Variants in ASIP observed in about 807,000 individuals in gnomAD.
ASIP encodes agouti signaling protein.
A neutral mutation model predicts 10.3 loss-of-function variants in ASIP; 11 were observed. The observed-to-expected ratio is 1.07, with a 90% confidence interval of 0.68 to 1.78. The LOEUF (loss-of-function observed/expected upper bound fraction) is 1.78. Among genes scored for constraint, ASIP ranks in the 40% most tolerant of loss-of-function variants. ASIP has a pLI of 0.00. For synonymous variants in ASIP, 70 were observed against 70.8 expected, an observed-to-expected ratio of 0.99 and a Z score of 0.06; for missense variants, 180 against 169.2, an observed-to-expected ratio of 1.06 and a Z score of -0.35.
At chr20:34,225,293 C>A (rs1214648528) in intron 1 of ASIP, among the ~76,000 whole-genome samples, 1 of 151,866 alleles carries the variant, frequency 6.6e-6, no homozygotes, top group Non-Finnish European at 1.5e-5. Flanking sequence ...CCTGCCTAGG[C>A]CTTCCAAAGT....
chr20:34,195,123 G>A (rs1177299727), intron 1 of ASIP, among the ~76,000 whole-genome samples: 12 of 143,294 alleles, frequency 8.4e-5, no homozygotes, highest in Admixed American at 8.0e-4. Flanking sequence ...CAGCTGAGAA[G>A]GTACCAGAAA....
chr20:34,240,995 C>T (rs1373574394), upstream of ASIP, among the ~76,000 whole-genome samples: 1 of 152,158 alleles, frequency 6.6e-6, no homozygotes, highest in Non-Finnish European at 1.5e-5. Flanking sequence ...ATCCTGGGAT[C>T]TTTAAAAAAT....
rs1411934780 is a variant in ASIP, at chr20:34,201,223, C to T, written c.-11+6463C>T. On this transcript the variant is annotated intron_variant, in intron 1 of 3. Coordinates refer to the ASIP transcript ENST00000568305. ...GCCACCGGAGTGCGGGTGACAAGGA[C>T]CTGACAGAGCCCATGCAGGGCTTTA... Among the ~76,000 whole-genome samples, 15 of 152,078 alleles carry T rather than the reference C, an allele frequency of 9.9e-5. No homozygotes were observed. The South Asian group carries it at 2.7e-3, about 27-fold the overall frequency.
chr20:34,192,131 G>A (rs937161753), upstream of ASIP, among the ~76,000 whole-genome samples: 1 of 152,088 alleles, frequency 6.6e-6, no homozygotes, highest in Non-Finnish European at 1.5e-5. Context: ...CTGCCTCCCA[G>A]ATTCAAGTGA....
At chr20:34,246,535 A>C in intron 1 of ASIP, 42 of 1,032,478 alleles carry the variant, frequency 4.1e-5, no homozygotes, top group Non-Finnish European at 5.9e-5. Flanking sequence ...CAGAAATCTC[A>C]GCTCACTGCA....
intron 1 of ASIP, among the ~76,000 whole-genome samples, chr20:34,258,660 T>G (rs2035615090): frequency 8.9e-6 from 1 of 112,014 alleles, no homozygotes; most frequent in Non-Finnish European, 1.8e-5. Context: ...GTTAATATCT[T>G]AGAAGGGGGA....
chr20:34,235,232 G>A (rs2035164229), intron 1 of ASIP, among the ~76,000 whole-genome samples: 1 of 152,178 alleles, frequency 6.6e-6, no homozygotes, highest in African/African-American at 2.4e-5. Flanking sequence ...ATGAAGTCAG[G>A]AGTTTGAGAC....
At chr20:34,208,521 A>G (rs952452566) in intron 1 of ASIP, among the ~76,000 whole-genome samples, 3 of 151,862 alleles carry the variant, frequency 2.0e-5, no homozygotes, top group Non-Finnish European at 4.4e-5. Context: ...CTCCTGGTTA[A>G]TTTTTTTATT....
chr20:34,202,825 T>TC (rs1431597595), intron 1 of ASIP, among the ~76,000 whole-genome samples: 11 of 138,150 alleles, frequency 8.0e-5, no homozygotes, highest in South Asian at 2.2e-4. Context: ...TTTTTTTTTT[T>TC]CGAGATGGAG....
At position 34,260,500 on chromosome 20, in the gene ASIP, G is replaced by C. The variant is rs2035671335; in HGVS notation, c.126G>C (p.Val42=). 6.2e-7 allele frequency: 1 copy of C among 1,613,734 alleles called. No homozygotes were observed. Among genetic ancestry groups the C allele is most frequent in the South Asian group, 1.1e-5 (1 of 91,032 alleles). ...DDRSLRSNSS[V]NLLDVPSVSI... ...GGAGCCTGAGAAGCAACTCCTCTGT[G>C]AACCTACTGGATGTCCCTTCTGTCT... is the stretch of plus-strand genomic sequence containing the variant. The change falls in exon 2 of 4, where the codon GTG becomes GTC. Residue 42 remains valine, a synonymous_variant. Coordinates refer to ENST00000374954, the MANE Select transcript of ASIP (RefSeq NM_001672.3).
rs35507813 is a variant in ASIP, at chr20:34,260,491, C to G, written c.117C>G (p.Asn39Lys). 4 of 1,614,084 alleles carry G rather than the reference C, an allele frequency of 2.5e-6. No individual in the cohort carries two copies. The change falls in exon 2 of 4, where the codon AAC becomes AAG. Residue 39 changes from asparagine to lysine, a missense_variant. Transcript: ENST00000374954. ...GAGATGACAGGAGCCTGAGAAGCAACTCCTCTGTGAACCTACTGGATGTCC... is the reference window on the plus strand; with the variant it reads ...GAGATGACAGGAGCCTGAGAAGCAAGTCCTCTGTGAACCTACTGGATGTCC... ...KLRDDRSLRS[N>K]SSVNLLDVPS... is the part of the protein sequence containing the mutation.
intron 1 of ASIP, among the ~76,000 whole-genome samples, chr20:34,201,499 TTTCACATTGAAATGA>T (rs1407451669): frequency 1.3e-5 from 2 of 152,136 alleles, no homozygotes; most frequent in African/African-American, 4.8e-5. Flanking sequence ...TGTAAAAAAA[TTTCACATTGAAATGA>T]TACAAACATT....
At chr20:34,257,949 G>T (rs1406227863) in intron 1 of ASIP, among the ~76,000 whole-genome samples, 5 of 152,138 alleles carry the variant, frequency 3.3e-5, no homozygotes, top group Non-Finnish European at 7.3e-5. Context: ...TTTGAGATCA[G>T]CTTGGCCAAC....
chr20:34,264,788 C>CTT (rs2035755891), intron 3 of ASIP, among the ~76,000 whole-genome samples: 1 of 117,270 alleles, frequency 8.5e-6, no homozygotes. Context: ...TAGTTTACTT[C>CTT]ATTTTTTTTT....
At chr20:34,219,370 G>T (rs1206760858) in intron 1 of ASIP, among the ~76,000 whole-genome samples, 2 of 152,088 alleles carry the variant, frequency 1.3e-5, no homozygotes, top group Non-Finnish European at 2.9e-5. Flanking sequence ...TGCAGAATAG[G>T]TATTGTTATC....
chr20:34,255,935 C>G (rs1471268390), intron 1 of ASIP, among the ~76,000 whole-genome samples: 1 of 152,168 alleles, frequency 6.6e-6, no homozygotes, highest in Non-Finnish European at 1.5e-5. Flanking sequence ...GCTCCACCAC[C>G]TCTTGTGGAA....
intron 2 of ASIP, among the ~76,000 whole-genome samples, chr20:34,262,272 T>C (rs2035706906): frequency 6.6e-6 from 1 of 152,208 alleles, no homozygotes; most frequent in African/African-American, 2.4e-5. Flanking sequence ...AAGGCAGATA[T>C]TATGGAACCT....
chr20:34,219,575 T>G (rs1407454977), intron 1 of ASIP, among the ~76,000 whole-genome samples: 2 of 152,200 alleles, frequency 1.3e-5, no homozygotes, highest in African/African-American at 4.8e-5. Flanking sequence ...TTAATAAATT[T>G]GTTTACTCTT....
In ASIP at chr20:34,215,935, C is replaced by A; in HGVS notation, c.-11+21175C>A. ...GAGTTTTCTGGTTATAATAGGCTTG[C>A]CCTCTGATCCCACAGAAGAATTTAT... On this transcript the variant is annotated intron_variant, in intron 1 of 3. Coordinates refer to the ASIP transcript ENST00000568305. 5 of 791,824 alleles carry A rather than the reference C, an allele frequency of 6.3e-6. No individual in the cohort carries two copies. The South Asian group carries it at 6.7e-5, about 11-fold the overall frequency. The allele number at this position is 791,824 out of a possible 1,614,324, so 49.0% of individuals were successfully genotyped here. A position where few individuals can be genotyped will look rare whatever the true frequency, so the allele number is the denominator to read the frequency against.
Sources: gnomAD v4.1 joint callset for allele counts (sites outside exome capture counted in the v4.1 genomes callset) on GRCh38, gnomAD v4.1.1 for gene constraint, MANE v1.5 for transcripts, NCBI Gene and HGNC (gene_info 2026-07-23, HGNC 2026-07-21) for gene names.